The following LRRK2 variants were observed in gnomAD, a reference collection of about 807,000 sequenced individuals.
LRRK2 encodes leucine rich repeat kinase 2, also known as leucine-rich repeat serine/threonine-protein kinase 2.
LRRK2 carries 203 observed loss-of-function variants against 302.6 expected under a neutral mutation model. The observed-to-expected ratio is 0.67, with a 90% CI of 0.60 to 0.75. The LOEUF (loss-of-function observed/expected upper bound fraction) is 0.75, where lower values mean the gene tolerates loss of function less well. Among genes scored for constraint, LRRK2 ranks in the 30% least tolerant of loss-of-function variants. The pLI is 0.00. For missense variants in LRRK2, 2,830 were observed against 2,951.0 expected (o/e 0.96, Z 0.95); for synonymous variants, 1,066 against 1,031.9 (o/e 1.03, Z -0.63).
In LRRK2 at chr12:40,354,745, A is replaced by G. The variant is rs10748040; in HGVS notation, c.6770+253A>G. On this transcript the variant is annotated intron_variant, in intron 45 of 50. Transcript: ENST00000298910. ...CAGCCCTGCTCCTGGTATTACCTCAACTGTGGCTCTATCTCTTTACTTCTC... is the reference window on the plus strand; with the variant it reads ...CAGCCCTGCTCCTGGTATTACCTCAGCTGTGGCTCTATCTCTTTACTTCTC... Among the ~76,000 whole-genome samples the G allele has an allele frequency of 0.77, 116,783 of 151,938 alleles. 45,718 individuals are homozygous for G. The highest frequency in any genetic ancestry group is 0.86 in the Non-Finnish European group (58,164 of 67,992).
At chr12:40,339,177 G>A (rs1945961631) in intron 40 of LRRK2, among the ~76,000 whole-genome samples, 1 of 152,100 alleles carries the variant, frequency 6.6e-6, no homozygotes, top group Non-Finnish European at 1.5e-5. Flanking sequence ...AGGTGATGGA[G>A]TAACTATTAA....
rs41286476 is a variant in LRRK2 at position 40,310,652 on chromosome 12, A to G, written c.4536+3A>G. The G allele has an allele frequency of 2.3e-4, 370 of 1,612,644 alleles. No individual in the cohort carries two copies. Among genetic ancestry groups the G allele is most frequent in the Middle Eastern group, 3.3e-4 (2 of 6,082 alleles). On this transcript the variant is annotated splice_donor_region_variant and intron_variant, in intron 31 of 50. Coordinates refer to ENST00000298910, the MANE Select transcript of LRRK2 (RefSeq NM_198578.4). Reference sequence around the variant, plus strand: ...TAAACGAGAGCCTTAATTTCAAGGTAACATGGTAGGCTGGTAGAGAAATGT... The same window carrying G: ...TAAACGAGAGCCTTAATTTCAAGGTGACATGGTAGGCTGGTAGAGAAATGT...
chr12:40,337,947 A>G (rs1945922880), intron 40 of LRRK2, among the ~76,000 whole-genome samples: 1 of 152,146 alleles, frequency 6.6e-6, no homozygotes, highest in Non-Finnish European at 1.5e-5. Flanking sequence ...CATTTTCCTT[A>G]AGAATTTCTT....
intron 6 of LRRK2, among the ~76,000 whole-genome samples, chr12:40,241,089 G>C (rs953080870): frequency 1.3e-5 from 2 of 152,254 alleles, no homozygotes; most frequent in Non-Finnish European, 2.9e-5. Context: ...GAGCAAGAGA[G>C]AGCAGACTGC....
chr12:40,293,624 G>A lies in LRRK2; in HGVS notation c.2769G>A (p.Gln923=), dbSNP rs58559150. ...VGEFYRDAVL[Q]RCSPNLQRHS... is the part of the protein sequence containing the mutation. ...AATTTTACCGAGATGCCGTATTACA[G>A]CGTTGCTCACCAAATTTGCAAAGAC... Residue 923 remains glutamine, a synonymous_variant, in exon 21 of 51, where the codon CAG becomes CAA. Coordinates refer to ENST00000298910, the MANE Select transcript of LRRK2 (RefSeq NM_198578.4). 1.2e-6 allele frequency: 2 copies of A among 1,611,492 alleles called. No individual in the cohort carries two copies. Among genetic ancestry groups the A allele is most frequent in the African/African-American group, 2.7e-5 (2 of 74,766 alleles).
intron 19 of LRRK2, chr12:40,286,195 C>T (rs1943919922): frequency 6.6e-6 from 1 of 152,042 alleles, no homozygotes; most frequent in Non-Finnish European, 1.5e-5. Flanking sequence ...ACCATGATTT[C>T]ACTGGCAGCT....
intron 12 of LRRK2, among the ~76,000 whole-genome samples, chr12:40,257,988 A>C (rs1228568359): frequency 6.6e-6 from 1 of 152,074 alleles, no homozygotes; most frequent in Non-Finnish European, 1.5e-5. Flanking sequence ...TAAAAAAAAT[A>C]ATTGGCACAG....
intron 18 of LRRK2, among the ~76,000 whole-genome samples, chr12:40,282,167 CCTTCCT>C (rs1483194589): frequency 1.4e-5 from 2 of 139,358 alleles, no homozygotes; most frequent in Non-Finnish European, 3.1e-5. Context: ...TTCCCCTTCC[CCTTCCT>C]CTTCCCCTTC....
In LRRK2 at chr12:40,363,771, C is replaced by A. The variant is rs186266877; in HGVS notation, c.7181+217C>A. On this transcript the variant is annotated intron_variant, in intron 48 of 50. Transcript: ENST00000298910. ...AGGCACATAATGTGCATAGTTTTCT[C>A]ATGGTATTACAAAGAATGTTCTCGA... Among the ~76,000 whole-genome samples, 4 of 152,110 alleles carry A rather than the reference C, an allele frequency of 2.6e-5. No homozygotes were observed. In the East Asian group the frequency reaches 7.7e-4, roughly 29 times the overall value.
rs1942563382 is a variant in LRRK2 at position 40,257,312 on chromosome 12, G to A, written c.1353G>A (p.Lys451=). 1 of 1,609,998 alleles carries A rather than the reference G, an allele frequency of 6.2e-7. No individual in the cohort carries two copies. Among genetic ancestry groups the A allele is most frequent in the Non-Finnish European group, 8.5e-7 (1 of 1,176,578 alleles). The stretch of plus-strand genomic sequence containing the variant: ...TGAATGTTTTGGAGTTAATGCAGAA[G>A]CATATACATTCTCCTGAAGTGGCTG... The part of the protein sequence containing the change: ...IHLNVLELMQ[K]HIHSPEVAES... Residue 451 remains lysine (K), a synonymous_variant, in exon 12 of 51, where the codon AAG becomes AAA. Transcript: ENST00000298910.
chr12:40,279,148 C>G (rs1943581637), intron 18 of LRRK2, among the ~76,000 whole-genome samples: 1 of 124,776 alleles, frequency 8.0e-6, no homozygotes, highest in African/African-American at 2.8e-5. Flanking sequence ...ATATTTCTAA[C>G]AAAGCAATTA....
intron 11 of LRRK2, among the ~76,000 whole-genome samples, chr12:40,255,410 G>A (rs934951619): frequency 1.1e-4 from 16 of 152,142 alleles, no homozygotes; most frequent in Non-Finnish European, 4.4e-5. Context: ...GAGATCAAGA[G>A]TATTACGTAG....
chr12:40,363,462 C>G lies in LRRK2; in HGVS notation c.7089C>G (p.Leu2363=). The G allele has an allele frequency of 1.2e-6, 2 of 1,612,102 alleles. No individual in the cohort carries two copies. Among genetic ancestry groups the G allele is most frequent in the East Asian group, 2.2e-5 (1 of 44,760 alleles). The change falls in exon 48 of 51, where the codon CTC becomes CTG. Residue 2363 remains leucine (L), a synonymous_variant. Transcript: ENST00000298910. The part of the protein sequence containing the change: ...NIITVVVDTA[L]YIAKQNSPVV... The stretch of plus-strand genomic sequence containing the variant: ...TAACAGTGGTGGTAGACACTGCTCT[C>G]TATATTGCTAAGCAAAATAGCCCTG...
chr12:40,318,391 G>C (rs1427264), intron 33 of LRRK2, among the ~76,000 whole-genome samples: 5 of 151,744 alleles, frequency 3.3e-5, no homozygotes, highest in Non-Finnish European at 7.4e-5. Context: ...TAGTAAAATA[G>C]ATTAGAATAA....
Position 40,292,752 on chromosome 12 carries a change from A to G in LRRK2, c.2690-793A>G, listed in dbSNP as rs535642555. Among the ~76,000 whole-genome samples, 5 of 152,040 alleles carry G rather than the reference A, an allele frequency of 3.3e-5. No individual in the cohort carries two copies. In the South Asian group the frequency reaches 8.3e-4, roughly 25 times the overall value. On this transcript the variant is annotated intron_variant, in intron 20 of 50. Coordinates refer to ENST00000298910, the MANE Select transcript of LRRK2 (RefSeq NM_198578.4). ...TCTTTCTTTTTCTAAGATAAAGAGTAGGGGAATTTAAAATCATAATTAATT... is the reference window on the plus strand; with the variant it reads ...TCTTTCTTTTTCTAAGATAAAGAGTGGGGGAATTTAAAATCATAATTAATT...
At chr12:40,307,516 T>C (rs1211507108) in intron 28 of LRRK2, among the ~76,000 whole-genome samples, 1 of 152,106 alleles carries the variant, frequency 6.6e-6, no homozygotes, top group African/African-American at 2.4e-5. Flanking sequence ...CTGCTGATAG[T>C]ATAATAGTTT....
At chr12:40,313,821 T>A (rs1459161927) in intron 31 of LRRK2, 151 bp from the exon 32 acceptor site, 3 of 631,912 alleles carry the variant, frequency 4.7e-6, no homozygotes, top group Non-Finnish European at 8.0e-6. Flanking sequence ...ACAACCTAAA[T>A]AGCTTTTTAT....
rs201614703 is a variant in LRRK2 at position 40,351,620 on chromosome 12, A to C, written c.6463A>C (p.Met2155Leu). ...ACCTAAAAACGTAATTGTTGAATGCATGGTTGCTACACATCACAACAGCAG... is the reference window on the plus strand; with the variant it reads ...ACCTAAAAACGTAATTGTTGAATGCCTGGTTGCTACACATCACAACAGCAG... ...LLPKNVIVEC[M>L]VATHHNSRNA... The change falls in exon 44 of 51, where the codon ATG becomes CTG. Residue 2155 changes from methionine to leucine, a missense_variant. By Grantham distance (15) the Met-to-Leu change is conservative. Transcript: ENST00000298910. The C allele has an allele frequency of 6.2e-7, 1 of 1,614,226 alleles. No homozygotes were observed. The highest frequency in any genetic ancestry group is 8.5e-7 in the Non-Finnish European group (1 of 1,180,036).
chr12:40,274,759 A>G (rs777837637), intron 15 of LRRK2, 32 bp downstream of exon 15: 11 of 1,613,496 alleles, frequency 6.8e-6, no homozygotes, highest in African/African-American at 1.3e-5. Context: ...GATTTAGAAT[A>G]GATTTTTGTA....
Sources: allele counts gnomAD v4.1 joint callset (sites outside exome capture counted in the v4.1 genomes callset), GRCh38; gene constraint gnomAD v4.1.1; transcripts MANE v1.5; gene names NCBI Gene and HGNC (gene_info 2026-07-23, HGNC 2026-07-21).